ANKRD30B: variants seen among roughly 807,000 people sequenced by gnomAD.
ANKRD30B encodes the protein ankyrin repeat domain-containing protein 30B.
ANKRD30B carries 144 observed loss-of-function variants against 202.2 expected under a neutral mutation model. The observed-to-expected ratio is 0.71, with a 90% CI of 0.62 to 0.82. The LOEUF is 0.82. Among genes scored for constraint, ANKRD30B ranks in the 40% least tolerant of loss-of-function variants. The pLI, the probability that ANKRD30B is intolerant of heterozygous loss-of-function variation, is 0.00. For missense variants in ANKRD30B, 1,487 were observed against 1,669.1 expected (o/e 0.89, Z 1.90); for synonymous variants, 508 against 561.3 (o/e 0.91, Z 1.34).
At chr18:14,751,226 T>C (rs1197282287) in intron 1 of ANKRD30B, among the ~76,000 whole-genome samples, 2 of 152,026 alleles carry the variant, frequency 1.3e-5, no homozygotes, top group African/African-American at 4.8e-5. Context: ...TGTAGTTTTA[T>C]TATTAGAAAA....
At position 14,848,843 on chromosome 18, in the gene ANKRD30B, A is replaced by G. The variant is rs767597767; in HGVS notation, c.3309A>G (p.Leu1103=). The change falls in exon 40 of 44, where the codon CTA becomes CTG. Residue 1103 remains leucine, a synonymous_variant. Coordinates refer to ENST00000690538, the MANE Select transcript of ANKRD30B (RefSeq NM_001367607.2). ...MEQTKNKFCV[L]QKELSEAKEI... ...AAACGAAAAATAAGTTTTGTGTACTACAAAAGGAACTGTCAGAAGCGAAAG... is the reference window on the plus strand; with the variant it reads ...AAACGAAAAATAAGTTTTGTGTACTGCAAAAGGAACTGTCAGAAGCGAAAG... The G allele has an allele frequency of 5.6e-6, 9 of 1,598,144 alleles. No individual in the cohort carries two copies. The highest frequency in any genetic ancestry group is 6.8e-6 in the Non-Finnish European group (8 of 1,172,560).
At chr18:14,831,181 G>GAAAA (rs71305894) in intron 33 of ANKRD30B, among the ~76,000 whole-genome samples, 760 of 52,328 alleles carry the variant, frequency 0.015, 49 homozygotes, top group African/African-American at 0.054. Flanking sequence ...CTCCGTCTCG[G>GAAAA]AAAAAAAAAA....
the ANKRD30B span, among the ~76,000 whole-genome samples, chr18:14,927,812 T>C: frequency 1.3e-5 from 2 of 152,182 alleles, no homozygotes; most frequent in African/African-American, 4.8e-5. Context: ...GCCAAGAGTC[T>C]TATACCAGCT....
In ANKRD30B at chr18:14,788,793, A is replaced by C. The variant is rs1428583133; in HGVS notation, c.1734+1693A>C. Among the ~76,000 whole-genome samples, 3 of 151,894 alleles carry C rather than the reference A, an allele frequency of 2.0e-5. No individual in the cohort carries two copies. In the South Asian group the frequency reaches 6.3e-4, roughly 32 times the overall value. On this transcript the variant is annotated intron_variant, in intron 15 of 43. Coordinates refer to ENST00000690538, the MANE Select transcript of ANKRD30B (RefSeq NM_001367607.2). Reference sequence around the variant, plus strand: ...CCACATTTTCTTAATCCAGTCTATCATTGTTGGACATTTGGGTTGGTTCCA... The same window carrying C: ...CCACATTTTCTTAATCCAGTCTATCCTTGTTGGACATTTGGGTTGGTTCCA...
intron 22 of ANKRD30B, among the ~76,000 whole-genome samples, chr18:14,800,525 CA>C: frequency 6.6e-6 from 1 of 151,220 alleles, no homozygotes; most frequent in East Asian, 1.9e-4. Flanking sequence ...GGGGTTTCAC[CA>C]TGTTAGCCAG....
the ANKRD30B span, among the ~76,000 whole-genome samples, chr18:14,868,238 A>ATG: frequency 6.6e-6 from 1 of 150,654 alleles, no homozygotes; most frequent in Admixed American, 6.6e-5. Context: ...CCAGCCTGGG[A>ATG]TGTGTAAGAA....
the ANKRD30B span, chr18:14,910,202 C>G: frequency 1.3e-5 from 2 of 151,990 alleles, no homozygotes; most frequent in Non-Finnish European, 2.9e-5. Context: ...TGAACTGTAA[C>G]CCAAAGGCTG....
chr18:14,757,799 C>A lies in ANKRD30B; in HGVS notation c.618-16C>A, dbSNP rs1567980964. On this transcript the variant is annotated splice_polypyrimidine_tract_variant and intron_variant, in intron 4 of 43. Transcript: ENST00000690538. ...ATTGATTCTGCTCATAATAAGTTAT[C>A]TCTTTGTTATTTTAGCACAGCCCTC... 1.9e-6 allele frequency: 3 copies of A among 1,608,774 alleles called. No homozygotes were observed. Among genetic ancestry groups the A allele is most frequent in the Non-Finnish European group, 2.5e-6 (3 of 1,178,150 alleles).
chr18:14,914,530 T>A, the ANKRD30B span, among the ~76,000 whole-genome samples: 1 of 152,176 alleles, frequency 6.6e-6, no homozygotes, highest in African/African-American at 2.4e-5. Flanking sequence ...AGACAGCACT[T>A]TCAGAAATTC....
At chr18:14,884,367 A>C in the ANKRD30B span, among the ~76,000 whole-genome samples, 2 of 152,134 alleles carry the variant, frequency 1.3e-5, no homozygotes, top group African/African-American at 2.4e-5. Flanking sequence ...ATTGCACCTC[A>C]TGAGGAATTC....
the ANKRD30B span, among the ~76,000 whole-genome samples, chr18:14,940,579 G>A: frequency 6.6e-6 from 1 of 152,192 alleles, no homozygotes; most frequent in South Asian, 2.1e-4. Context: ...ACAGCCTTGG[G>A]TTGAACTTGA....
chr18:14,908,626 C>T, the ANKRD30B span, among the ~76,000 whole-genome samples: 10 of 152,264 alleles, frequency 6.6e-5, no homozygotes, highest in Non-Finnish European at 1.3e-4. Context: ...TCTGTGAGGT[C>T]TTTGAGGGCA....
At chr18:14,784,714 TA>T (rs768083192) in intron 14 of ANKRD30B, among the ~76,000 whole-genome samples, 179 bp downstream of exon 14, 166 of 151,044 alleles carry the variant, frequency 1.1e-3, no homozygotes, top group Non-Finnish European at 1.2e-3. Flanking sequence ...ATTTTCAATA[TA>T]TTTTTTTTAA....
chr18:14,758,424 G>A (rs1598569964), intron 5 of ANKRD30B, among the ~76,000 whole-genome samples: 1 of 152,106 alleles, frequency 6.6e-6, no homozygotes, highest in South Asian at 2.1e-4. Context: ...CTGTTGCTGC[G>A]CCGTTGCCAT....
chr18:14,910,825 T>C, the ANKRD30B span, among the ~76,000 whole-genome samples: 1 of 152,190 alleles, frequency 6.6e-6, no homozygotes, highest in Non-Finnish European at 1.5e-5. Context: ...CCATTCTGAT[T>C]GGTGTAAGAT....
the ANKRD30B span, among the ~76,000 whole-genome samples, chr18:14,874,807 G>T: frequency 6.6e-6 from 1 of 152,306 alleles, no homozygotes; most frequent in Middle Eastern, 3.4e-3. Context: ...GACTTGCCCA[G>T]AAGATAGTAT....
At chr18:14,791,627 T>C in intron 16 of ANKRD30B, 136 bp downstream of exon 16, 3 of 669,420 alleles carry the variant, frequency 4.5e-6, no homozygotes, top group East Asian at 5.8e-5. Flanking sequence ...GAAACGGTGA[T>C]AAGTTATACG....
At chr18:14,863,448 C>T in the ANKRD30B span, among the ~76,000 whole-genome samples, 1 of 151,966 alleles carries the variant, frequency 6.6e-6, no homozygotes, top group Admixed American at 6.5e-5. Flanking sequence ...CTCACTTTGC[C>T]TTCCTCTGTG....
the ANKRD30B span, among the ~76,000 whole-genome samples, chr18:14,906,612 A>G: frequency 6.6e-6 from 1 of 151,830 alleles, no homozygotes; most frequent in South Asian, 2.1e-4. Context: ...AATTTGTACC[A>G]CTTTCTCTTT....
Sources: gnomAD v4.1 joint callset for allele counts (sites outside exome capture counted in the v4.1 genomes callset) on GRCh38, gnomAD v4.1.1 for gene constraint, MANE v1.5 for transcripts, NCBI Gene and HGNC (gene_info 2026-07-23, HGNC 2026-07-21) for gene names.